Variants in IDUA observed in about 807,000 individuals in gnomAD.
IDUA encodes iduronidase alpha-L-.
A neutral mutation model predicts 68.9 loss-of-function variants in IDUA; 65 were observed. The ratio of observed to expected loss-of-function variants is 0.94; its 90% CI spans 0.77 to 1.16. The LOEUF (loss-of-function observed/expected upper bound fraction) is 1.16. Among genes scored for constraint, IDUA ranks in the 50% most tolerant of loss-of-function variants. The pLI is 0.00. For missense variants in IDUA, 1,046 were observed against 938.0 expected, an observed-to-expected ratio of 1.12 and a Z score of -1.50; for synonymous variants, 529 against 433.6, an observed-to-expected ratio of 1.22 and a Z score of -2.73.
chr4:989,620 C>T (rs1714076568), intron 2 of IDUA: 13 of 1,601,550 alleles, frequency 8.1e-6, no homozygotes, highest in Non-Finnish European at 1.0e-5. Flanking sequence ...GGCCAGCACG[C>T]TTCGCTGTAG....
At chr4:991,773 C>T (rs1263398613) in intron 2 of IDUA, 26 of 1,528,410 alleles carry the variant, frequency 1.7e-5, no homozygotes, top group Non-Finnish European at 2.3e-5. Flanking sequence ...CCCCCGGATC[C>T]AGGGCCAAAC....
At chr4:992,039 G>T (rs1036003981) in intron 2 of IDUA, 2 of 589,562 alleles carry the variant, frequency 3.4e-6, no homozygotes, top group East Asian at 7.0e-5. Flanking sequence ...GCTCAGCTCC[G>T]GCCTATTGGC....
Position 1,004,394 on chromosome 4 carries a change from G to A in IDUA, c.*1G>A, listed in dbSNP as rs751569705. On this transcript the variant is annotated 3_prime_UTR_variant, in exon 14 of 14. Transcript: ENST00000514224. The surrounding 1 kb of genome is among the most constrained non-coding windows in gnomAD (Gnocchi z 5.0). The stretch of plus-strand genomic sequence containing the variant: ...GCCCCCATCCCCGGGCAATCCATGA[G>A]CCTGTGCTGAGCCCCAGTGGGTTGC... 11 of 1,609,992 alleles carry A rather than the reference G, an allele frequency of 6.8e-6. 1 individual carries two copies. In the South Asian group the frequency reaches 1.2e-4, roughly 18 times the overall value.
In IDUA at chr4:1,003,210, G is replaced by T. The variant is rs113289555; in HGVS notation, c.1524+53G>T. 0.22 allele frequency: 279,955 copies of T among 1,264,976 alleles called. 32,470 individuals are homozygous for T. Among genetic ancestry groups the T allele is most frequent in the Non-Finnish European group, 0.23 (233,819 of 996,636 alleles). The allele number at this position is 1,264,976 out of a possible 1,614,324, so 78.4% of individuals were successfully genotyped here. A position where few individuals can be genotyped will look rare whatever the true frequency, so the allele number is the denominator to read the frequency against. On this transcript the variant is annotated intron_variant, in intron 10 of 13. Transcript: ENST00000514224. ...CCGGGCCGGGCCGGGGTCCCGGGGG[G>T]GTGGGGTCCGGGGCGGGGGCTCCGA...
At chr4:997,666 G>A (rs893013982) in intron 2 of IDUA, among the ~76,000 whole-genome samples, 9 of 152,192 alleles carry the variant, frequency 5.9e-5, no homozygotes, top group Non-Finnish European at 1.0e-4. Context: ...CTCCGGCCCT[G>A]GGGGTGGGCT....
intron 7 of IDUA, 26 bp from the exon 8 acceptor site, chr4:1,002,243 G>T: frequency 6.3e-7 from 1 of 1,599,414 alleles, no homozygotes; most frequent in Non-Finnish European, 8.5e-7. Flanking sequence ...GCGCCACCCG[G>T]TCCCAGCTGC....
chr4:990,110 CG>C (rs759356783), intron 2 of IDUA: 5 of 1,586,116 alleles, frequency 3.2e-6, no homozygotes, highest in Non-Finnish European at 4.3e-6. Flanking sequence ...AGCTCCTTCG[CG>C]GCTAGCAGCA....
At chr4:995,933 G>A (rs1331080506) in intron 2 of IDUA, among the ~76,000 whole-genome samples, 2 of 151,970 alleles carry the variant, frequency 1.3e-5, no homozygotes, top group Non-Finnish European at 2.9e-5. Context: ...AATGCTCCAG[G>A]GTCTCGTACC....
intron 1 of IDUA, among the ~76,000 whole-genome samples, chr4:987,475 G>C (rs1025110591): frequency 2.0e-5 from 3 of 152,192 alleles, no homozygotes; most frequent in Non-Finnish European, 4.4e-5. Context: ...CCTGCTCTTT[G>C]AGGTAAACCA....
chr4:998,963 T>C (rs1714906179), intron 2 of IDUA, among the ~76,000 whole-genome samples: 1 of 151,982 alleles, frequency 6.6e-6, no homozygotes, highest in African/African-American at 2.4e-5. Flanking sequence ...AAAAATGCTC[T>C]GGAAGCCAAG....
intron 7 of IDUA, 48 bp from the exon 8 acceptor site, chr4:1,002,221 C>G (rs767796405): frequency 1.3e-6 from 2 of 1,577,290 alleles, no homozygotes; most frequent in Admixed American, 1.8e-5. Flanking sequence ...ACGGGACAGG[C>G]GAGCGGTGGC....
chr4:998,064 T>C (rs1714850709), intron 2 of IDUA, among the ~76,000 whole-genome samples: 1 of 152,246 alleles, frequency 6.6e-6, no homozygotes, highest in Non-Finnish European at 1.5e-5. Flanking sequence ...CATTTAATTC[T>C]TATCCAAGTG....
intron 2 of IDUA, chr4:991,700 C>T: frequency 1.3e-6 from 2 of 1,535,656 alleles, no homozygotes; most frequent in Non-Finnish European, 1.7e-6. Context: ...GGGGACTCGT[C>T]CATCCTGTTG....
chr4:987,760 G>A (rs764904212), intron 1 of IDUA, 49 bp from the exon 2 acceptor site: 3 of 1,609,604 alleles, frequency 1.9e-6, no homozygotes, highest in South Asian at 1.1e-5. Context: ...CAGCCGCGCT[G>A]CCAGCCATGC....
intron 10 of IDUA, 22 bp downstream of exon 10, chr4:1,003,179 G>A (rs766962589): frequency 3.9e-5 from 52 of 1,331,706 alleles, no homozygotes; most frequent in Non-Finnish European, 4.9e-5. Flanking sequence ...GCGGAGGGGC[G>A]AGGGGCCGGG....
intron 3 of IDUA, 59 bp downstream of exon 3, chr4:1,000,756 T>A (rs1053974893): frequency 5.5e-6 from 8 of 1,459,666 alleles, no homozygotes; most frequent in Non-Finnish European, 7.7e-6. Flanking sequence ...GCCCACCCTC[T>A]CCCTCACCCA....
At chr4:990,874 G>C in intron 2 of IDUA, 2 of 501,574 alleles carry the variant, frequency 4.0e-6, no homozygotes, top group Non-Finnish European at 7.0e-6. Flanking sequence ...CACCTGGCCT[G>C]CTGGTCCCCA....
Position 1,001,518 on chromosome 4 carries a change from G to A in IDUA, c.544G>A (p.Glu182Lys), listed in dbSNP as rs754154200. The A allele has an allele frequency of 6.2e-7, 1 of 1,613,136 alleles. No individual in the cohort carries two copies. Among genetic ancestry groups the A allele is most frequent in the Non-Finnish European group, 8.5e-7 (1 of 1,179,960 alleles). Residue 182 changes from glutamate to lysine, a missense_variant, in exon 5 of 14, where the codon GAG (glutamate) becomes AAG (lysine). Transcript: ENST00000514224. ...VSKWNFETWN[E>K]PDHHDFDNVS... ...CAAGTGGAACTTCGAGACGTGGAAT[G>A]AGCCAGACCACCACGACTTTGACAA...
chr4:988,045 C>T, intron 2 of IDUA, 96 bp downstream of exon 2: 1 of 1,481,128 alleles, frequency 6.8e-7, no homozygotes, highest in Non-Finnish European at 9.0e-7. Flanking sequence ...CCCTTGTTCC[C>T]CCACCTCCCG....
Sources: allele counts gnomAD v4.1 joint callset (sites outside exome capture counted in the v4.1 genomes callset), GRCh38; gene constraint gnomAD v4.1.1; non-coding constraint Gnocchi (gnomAD v3.1); transcripts MANE v1.5; gene names NCBI Gene and HGNC (gene_info 2026-07-23, HGNC 2026-07-21).